The following ADAMTS17 variants were observed in gnomAD, a reference collection of about 807,000 sequenced individuals.
The protein encoded by ADAMTS17 is ADAM metallopeptidase with thrombospondin type 1 motif 17.
ADAMTS17 carries 113 observed loss-of-function variants against 141.5 expected under a neutral mutation model. The ratio of observed to expected loss-of-function variants is 0.80; its 90% CI spans 0.69 to 0.93. ADAMTS17 has a LOEUF of 0.93. Ranked by LOEUF, ADAMTS17 falls within the 40% of genes least tolerant of loss-of-function variation. ADAMTS17 has a pLI of 0.00. For synonymous variants in ADAMTS17, 768 were observed against 630.6 expected (o/e 1.22, Z -3.27); for missense variants, 1,659 against 1,517.9 (o/e 1.09, Z -1.54).
Position 100,091,783 on chromosome 15 carries a change from C to CT in ADAMTS17, c.2137+4572dup, listed in dbSNP as rs940958087. Among the ~76,000 whole-genome samples, 31 of 151,614 alleles carry CT rather than the reference C, an allele frequency of 2.0e-4. 1 individual carries two copies. The highest frequency in any genetic ancestry group is 7.7e-4 in the East Asian group (4 of 5,178). ...GACTCTTTCCCCTGAAATCAGAGTT[C>CT]TTTTTTTTTGTTTAGTAAATAGATC... On this transcript the variant is annotated intron_variant, in intron 15 of 21. Transcript: ENST00000268070.
intron 18 of ADAMTS17, among the ~76,000 whole-genome samples, chr15:100,004,680 G>T (rs1214890010): frequency 6.7e-6 from 1 of 148,334 alleles, no homozygotes; most frequent in Non-Finnish European, 1.5e-5. Context: ...GAGTGCAATG[G>T]CGCAATCTCG....
intron 15 of ADAMTS17, among the ~76,000 whole-genome samples, chr15:100,065,115 G>A (rs2033422897): frequency 6.6e-6 from 1 of 152,070 alleles, no homozygotes; most frequent in Non-Finnish European, 1.5e-5. Context: ...GTATACAAAA[G>A]TTCAAACAAC....
At chr15:100,035,265 G>T (rs932266029) in intron 18 of ADAMTS17, among the ~76,000 whole-genome samples, 1 of 152,190 alleles carries the variant, frequency 6.6e-6, no homozygotes, top group South Asian at 2.1e-4. Context: ...CCTATGTGAG[G>T]TCTTTCTAGA....
Position 100,117,008 on chromosome 15 carries a change from C to T in ADAMTS17, c.1727G>A (p.Gly576Glu). 6.2e-7 allele frequency: 1 copy of T among 1,609,694 alleles called. No individual in the cohort carries two copies. Among genetic ancestry groups the T allele is most frequent in the Non-Finnish European group, 8.5e-7 (1 of 1,178,254 alleles). ...ACCCGGGCAGTGTGTGCCTCCAGGC[C>T]CAGGGCTAGAAGGAAGAAGAAGGTC... The part of the protein sequence containing the change: ...RQRKCDNPPP[G>E]PGGTHCPGAS... Residue 576 changes from glycine to glutamate, a missense_variant, in exon 13 of 22, where the codon GGG becomes GAG. Transcript: ENST00000268070.
At chr15:100,287,276 C>T (rs2044477142) in intron 3 of ADAMTS17, among the ~76,000 whole-genome samples, 1 of 152,118 alleles carries the variant, frequency 6.6e-6, no homozygotes, top group Non-Finnish European at 1.5e-5. Flanking sequence ...GCAGGATACA[C>T]CAAGTTGAGG....
intron 3 of ADAMTS17, among the ~76,000 whole-genome samples, chr15:100,283,040 G>C (rs1462335455): frequency 6.8e-6 from 1 of 147,224 alleles, no homozygotes; most frequent in Non-Finnish European, 1.5e-5. Flanking sequence ...ATAATATGCA[G>C]GTATTACTGT....
intron 15 of ADAMTS17, among the ~76,000 whole-genome samples, 186 bp from the exon 16 acceptor site, chr15:100,054,240 G>T (rs536645044): frequency 3.3e-5 from 5 of 152,294 alleles, no homozygotes; most frequent in South Asian, 2.1e-4. Context: ...GGATCGCAGG[G>T]AGCACGGAGA....
chr15:100,011,385 CAGAAGGGAGGGAAGGAAGGAGGAAAGGAA>C (rs2061176954), intron 18 of ADAMTS17, among the ~76,000 whole-genome samples: 1 of 29,014 alleles, frequency 3.4e-5, no homozygotes, highest in Non-Finnish European at 7.0e-5. Context: ...GCAGTAAGGA[CAGAAGGGAGGGAAGGAAGGAGGAAAGGAA>C]AGAAGAAAGG....
At chr15:100,009,659 G>A (rs558798099) in intron 18 of ADAMTS17, among the ~76,000 whole-genome samples, 2 of 152,130 alleles carry the variant, frequency 1.3e-5, no homozygotes, top group Non-Finnish European at 2.9e-5. Flanking sequence ...CAACTGTTGT[G>A]CCCGTTACTC....
intron 18 of ADAMTS17, among the ~76,000 whole-genome samples, chr15:100,047,079 C>T (rs1416206455): frequency 3.3e-5 from 5 of 151,872 alleles, no homozygotes; most frequent in Non-Finnish European, 7.4e-5. Flanking sequence ...CTAAAATGGC[C>T]CCCCTGGGTG....
At chr15:100,135,958 G>A (rs1423761429) in intron 10 of ADAMTS17, among the ~76,000 whole-genome samples, 1 of 152,184 alleles carries the variant, frequency 6.6e-6, no homozygotes, top group African/African-American at 2.4e-5. Flanking sequence ...GGCACAATGG[G>A]TCCTTTTGGA....
chr15:100,165,870 T>C (rs556278533), intron 8 of ADAMTS17, among the ~76,000 whole-genome samples: 2 of 152,238 alleles, frequency 1.3e-5, no homozygotes, highest in East Asian at 3.9e-4. Context: ...AATGAACCAA[T>C]TCTTTTTCCT....
intron 7 of ADAMTS17, among the ~76,000 whole-genome samples, chr15:100,242,867 C>T (rs1031635025): frequency 6.6e-6 from 1 of 152,178 alleles, no homozygotes; most frequent in Non-Finnish European, 1.5e-5. Flanking sequence ...TTTAAGTGTA[C>T]GGTTCCGTGG....
At chr15:100,049,032 C>T in intron 17 of ADAMTS17, 40 bp from the exon 18 acceptor site, 3 of 1,614,012 alleles carry the variant, frequency 1.9e-6, no homozygotes, top group Non-Finnish European at 2.5e-6. Context: ...ACTGTGGCTG[C>T]ACCCACGTGG....
intron 7 of ADAMTS17, among the ~76,000 whole-genome samples, chr15:100,204,141 G>A (rs1466325773): frequency 6.6e-6 from 1 of 152,166 alleles, no homozygotes; most frequent in Non-Finnish European, 1.5e-5. Context: ...CATGATAGAA[G>A]CTCATAACTC....
intron 8 of ADAMTS17, among the ~76,000 whole-genome samples, chr15:100,178,404 C>G (rs1043265315): frequency 1.3e-5 from 2 of 152,120 alleles, no homozygotes; most frequent in African/African-American, 4.8e-5. Flanking sequence ...CTGAGTTAAG[C>G]AGAGAAATGT....
chr15:100,154,377 T>C (rs940265167), intron 9 of ADAMTS17, among the ~76,000 whole-genome samples: 1 of 152,136 alleles, frequency 6.6e-6, no homozygotes, highest in African/African-American at 2.4e-5. Context: ...ACAAGGAACG[T>C]CATGAAAAAA....
At chr15:100,318,581 T>C (rs912901097) in intron 3 of ADAMTS17, among the ~76,000 whole-genome samples, 7 of 152,214 alleles carry the variant, frequency 4.6e-5, no homozygotes, top group African/African-American at 1.2e-4. Context: ...TCCCAGACTG[T>C]AGAACTGTAA....
At chr15:100,270,450 G>A (rs542680083) in intron 4 of ADAMTS17, among the ~76,000 whole-genome samples, 7 of 152,202 alleles carry the variant, frequency 4.6e-5, no homozygotes, top group South Asian at 4.1e-4. Context: ...CACCATATCC[G>A]TGGGATGTGC....
Sources: gnomAD v4.1 joint callset for allele counts (sites outside exome capture counted in the v4.1 genomes callset) on GRCh38, gnomAD v4.1.1 for gene constraint, MANE v1.5 for transcripts, NCBI Gene and HGNC (gene_info 2026-07-23, HGNC 2026-07-21) for gene names.